UGT1A9: variants seen among roughly 807,000 people sequenced by gnomAD.
UGT1A9 encodes UDP-glucuronosyltransferase 1A9.
Under a neutral mutation model 45.0 loss-of-function variants are expected in UGT1A9, and 35 were observed. That is an observed-to-expected ratio of 0.78 (90% CI 0.59 to 1.03). The LOEUF (loss-of-function observed/expected upper bound fraction) is 1.03, where lower values mean the gene tolerates loss of function less well. UGT1A9 is among the 50% of genes least tolerant of loss of function. The pLI, the probability that UGT1A9 is intolerant of heterozygous loss-of-function variation, is 0.00. For synonymous variants in UGT1A9, 278 were observed against 250.6 expected (o/e 1.11, Z -1.03); for missense variants, 687 against 666.6 (o/e 1.03, Z -0.34).
At chr2:233,761,150 A>G (rs1384998466) in intron 1 of UGT1A9, 2 of 1,614,204 alleles carry the variant, frequency 1.2e-6, no homozygotes, top group Non-Finnish European at 1.7e-6. Flanking sequence ...CCACTATCCC[A>G]GGTGTGTATT....
At position 233,769,594 on chromosome 2, in the gene UGT1A9, G is replaced by T; in HGVS notation, c.1295+1155G>T. 1 of 1,612,864 alleles carries T rather than the reference G, an allele frequency of 6.2e-7. No homozygotes were observed. Among genetic ancestry groups the T allele is most frequent in the South Asian group, 1.1e-5 (1 of 91,060 alleles). ...GAGCATGTTCAGATGAGAGGAGACG[G>T]AACACGGGGACACACCAGCTTGAGC... On this transcript the variant is annotated intron_variant, in intron 4 of 4. Coordinates refer to ENST00000354728, the MANE Select transcript of UGT1A9 (RefSeq NM_021027.3). This position sits in a 1 kb window ranked among gnomAD's most constrained non-coding sequence, Gnocchi z 4.4.
At chr2:233,728,889 G>A (rs182630542) in intron 1 of UGT1A9, among the ~76,000 whole-genome samples, 41 of 152,264 alleles carry the variant, frequency 2.7e-4, no homozygotes, top group African/African-American at 9.4e-4. Context: ...TCCCCAGAGT[G>A]AGCACAGGGT....
At position 233,772,374 on chromosome 2, in the gene UGT1A9, C is replaced by T. The variant is rs773725816; in HGVS notation, c.1408C>T (p.His470Tyr). Reference protein sequence around the residue: ...EFVMRHKGAPHLRPAAHDLTW... With the variant: ...EFVMRHKGAPYLRPAAHDLTW... ...TGTGATGAGGCACAAGGGCGCGCCA[C>T]ACCTGCGCCCCGCAGCCCACGACCT... is the stretch of plus-strand genomic sequence containing the variant. The change falls in exon 5 of 5, where the codon CAC becomes TAC. Residue 470 changes from histidine (H) to tyrosine (Y), a missense_variant. Transcript: ENST00000354728. 1.2e-6 allele frequency: 2 copies of T among 1,614,266 alleles called. No individual in the cohort carries two copies. Among genetic ancestry groups the T allele is most frequent in the South Asian group, 2.2e-5 (2 of 91,082 alleles).
intron 1 of UGT1A9, chr2:233,747,530 T>C (rs530513131): frequency 6.2e-7 from 1 of 1,605,552 alleles, no homozygotes; most frequent in East Asian, 2.2e-5. Flanking sequence ...CAGAACATTT[T>C]CTGAAGACAT....
chr2:233,681,992 A>C (rs1482897619), intron 1 of UGT1A9: 20 of 1,613,984 alleles, frequency 1.2e-5, no homozygotes, highest in Non-Finnish European at 1.7e-5. Flanking sequence ...TCTACTGCTG[A>C]CCTGTGGCTT....
At chr2:233,750,158 G>A (rs1271989660) in intron 1 of UGT1A9, among the ~76,000 whole-genome samples, 2 of 151,878 alleles carry the variant, frequency 1.3e-5, no homozygotes, top group Non-Finnish European at 2.9e-5. Flanking sequence ...TTGTTGAATG[G>A]TTTTGACCAA....
chr2:233,678,917 T>C (rs181700113), intron 1 of UGT1A9, among the ~76,000 whole-genome samples: 2,507 of 152,296 alleles, frequency 0.016, 85 homozygotes, highest in African/African-American at 0.057. Flanking sequence ...TGAAGTCATG[T>C]GCAACATCTG....
intron 1 of UGT1A9, chr2:233,747,294 G>A (rs1361092863): frequency 6.2e-7 from 1 of 1,601,846 alleles, no homozygotes; most frequent in African/African-American, 1.3e-5. Flanking sequence ...CCTGGGCTGA[G>A]AGTGGGAAGG....
chr2:233,743,240 T>G (rs1692244875), intron 1 of UGT1A9: 1 of 425,178 alleles, frequency 2.4e-6, no homozygotes, highest in South Asian at 1.7e-5. Context: ...TATGAAGGAC[T>G]TTAACTCAAC....
At chr2:233,705,231 T>C (rs77358763) in intron 1 of UGT1A9, among the ~76,000 whole-genome samples, 5,756 of 152,326 alleles carry the variant, frequency 0.038, 132 homozygotes, top group Non-Finnish European at 0.058. Flanking sequence ...CAGTGCTTTT[T>C]TTCTGTATGA....
At chr2:233,715,294 C>T (rs2076444307) in intron 1 of UGT1A9, among the ~76,000 whole-genome samples, 1 of 152,122 alleles carries the variant, frequency 6.6e-6, no homozygotes, top group South Asian at 2.1e-4. Context: ...TATATTTTGG[C>T]TCTTGAATAG....
intron 1 of UGT1A9, among the ~76,000 whole-genome samples, chr2:233,687,701 G>A (rs2074858745): frequency 6.6e-6 from 1 of 151,714 alleles, no homozygotes; most frequent in Admixed American, 6.6e-5. Context: ...CCAGGAGTTT[G>A]AGACCAGCCT....
chr2:233,707,538 CTTT>C (rs753963758), intron 1 of UGT1A9, among the ~76,000 whole-genome samples: 1 of 126,988 alleles, frequency 7.9e-6, no homozygotes, highest in Non-Finnish European at 1.7e-5. Context: ...TTTGTCTTGC[CTTT>C]TTTTTTTTTT....
intron 1 of UGT1A9, chr2:233,747,256 G>T: frequency 6.2e-7 from 1 of 1,600,772 alleles, no homozygotes; most frequent in Non-Finnish European, 8.5e-7. Flanking sequence ...GCTGGCCACA[G>T]GAGTGCTACT....
chr2:233,687,751 T>A (rs2074861561), intron 1 of UGT1A9, among the ~76,000 whole-genome samples: 1 of 151,964 alleles, frequency 6.6e-6, no homozygotes, highest in Admixed American at 6.6e-5. Context: ...AAAAATGTTT[T>A]AAAAATTAGC....
In UGT1A9 at chr2:233,711,078, C is replaced by T. The variant is rs76665810; in HGVS notation, c.855+38289C>T. Among the ~76,000 whole-genome samples the T allele has an allele frequency of 9.6e-3, 1,463 of 152,316 alleles. 33 individuals are homozygous for T. Among genetic ancestry groups the T allele is most frequent in the African/African-American group, 0.033 (1,369 of 41,568 alleles). ...CTTCAATCACCACTTATGCTGATGG[C>T]TCCAAGTCTATCTGTGCAGCCCAGA... On this transcript the variant is annotated intron_variant, in intron 1 of 4. Transcript: ENST00000354728.
At position 233,769,903 on chromosome 2, in the gene UGT1A9, G is replaced by C. The variant is rs1699979126; in HGVS notation, c.1295+1464G>C. On this transcript the variant is annotated intron_variant, in intron 4 of 4. Transcript: ENST00000354728. The surrounding 1 kb of genome is among the most constrained non-coding windows in gnomAD (Gnocchi z 4.4). ...AAAGTCCACATAACCTGAGCATCATGTGCCCAGAGCGTTGGGTGGTGTGGT... is the reference window on the plus strand; with the variant it reads ...AAAGTCCACATAACCTGAGCATCATCTGCCCAGAGCGTTGGGTGGTGTGGT... 1 of 333,056 alleles carries C rather than the reference G, an allele frequency of 3.0e-6. No individual in the cohort carries two copies. The highest frequency in any genetic ancestry group is 6.0e-5 in the East Asian group (1 of 16,780). 20.6% of individuals were successfully genotyped at this position (333,056 alleles called of 1,614,324 possible).
At chr2:233,680,187 T>TG in intron 1 of UGT1A9, among the ~76,000 whole-genome samples, 1 of 152,288 alleles carries the variant, frequency 6.6e-6, no homozygotes, top group Non-Finnish European at 1.5e-5. Context: ...TGGGAGTACT[T>TG]GCAGCATCAT....
chr2:233,682,705 CTTTG>C lies in UGT1A9; in HGVS notation c.855+9920_855+9923del, dbSNP rs763830495. On this transcript the variant is annotated intron_variant, in intron 1 of 4. Coordinates refer to ENST00000354728, the MANE Select transcript of UGT1A9 (RefSeq NM_021027.3). ...CATCAATTTGGTTGTTGCGAACTGA[CTTTG>C]TTTTGGAGTATCCCAAACCCGTGAT... 3 of 1,613,868 alleles carry C rather than the reference CTTTG, an allele frequency of 1.9e-6. No individual in the cohort carries two copies. The South Asian group carries it at 3.3e-5, about 18-fold the overall frequency.
Sources: gnomAD v4.1 joint callset for allele counts (sites outside exome capture counted in the v4.1 genomes callset) on GRCh38, gnomAD v4.1.1 for gene constraint, Gnocchi (gnomAD v3.1) non-coding constraint, MANE v1.5 for transcripts, NCBI Gene and HGNC (gene_info 2026-07-23, HGNC 2026-07-21) for gene names.